Variants in CCNH observed in about 807,000 individuals in gnomAD.
CCNH encodes cyclin H, also known as cyclin-H.
Under a neutral mutation model 41.9 loss-of-function variants are expected in CCNH, and 31 were observed. That is an observed-to-expected ratio of 0.74 (90% confidence interval 0.56 to 1.00). CCNH has a LOEUF of 1.00. Ranked by LOEUF, CCNH falls within the 50% of genes least tolerant of loss-of-function variation. CCNH has a pLI of 0.00. For synonymous variants in CCNH, 138 were observed against 136.1 expected (o/e 1.01, Z -0.10); for missense variants, 362 against 388.4 (o/e 0.93, Z 0.57).
chr5:87,356,383 ATTT>A (rs11409141), intron 9 of CCNH, among the ~76,000 whole-genome samples: 1 of 141,708 alleles, frequency 7.1e-6, no homozygotes, highest in African/African-American at 2.6e-5. Context: ...GATGATTGTT[ATTT>A]TTTTTTTTTT....
At chr5:87,318,889 C>T (rs1384844754) in exon 10 of CCNH, 3 of 152,220 alleles carry the variant, frequency 2.0e-5, no homozygotes, top group East Asian at 1.9e-4. Context: ...GTCCATTCCA[C>T]CTATGAGCCT....
downstream of CCNH, chr5:87,391,112 T>C (rs1053820938): frequency 1.6e-6 from 1 of 616,842 alleles, no homozygotes; most frequent in African/African-American, 1.8e-5. Context: ...AATCAATCTT[T>C]AACAACCTCT....
downstream of CCNH, among the ~76,000 whole-genome samples, chr5:87,316,669 C>G (rs538878094): frequency 2.0e-5 from 3 of 152,306 alleles, no homozygotes; most frequent in Non-Finnish European, 2.9e-5. Context: ...TTTTAATACC[C>G]TGTGCCTCAG....
exon 10 of CCNH, chr5:87,318,790 C>T (rs1756544284): frequency 6.6e-6 from 1 of 152,236 alleles, no homozygotes; most frequent in Non-Finnish European, 1.5e-5. Context: ...CATGTCAAGA[C>T]ACAATCATGC....
chr5:87,380,366 A>C, upstream of CCNH: 1 of 751,888 alleles, frequency 1.3e-6, no homozygotes, highest in Non-Finnish European at 2.4e-6. Context: ...TAAATGCCTC[A>C]TTACCTGTGG....
chr5:87,399,194 G>A (rs1042717443), intron 7 of CCNH, among the ~76,000 whole-genome samples, 200 bp downstream of exon 7: 11 of 152,168 alleles, frequency 7.2e-5, no homozygotes, highest in African/African-American at 2.7e-4. Flanking sequence ...GAACATATGA[G>A]TCACAGCAGG....
chr5:87,402,399 G>C (rs1483594763), intron 5 of CCNH, among the ~76,000 whole-genome samples: 1 of 152,114 alleles, frequency 6.6e-6, no homozygotes, highest in African/African-American at 2.4e-5. Flanking sequence ...GCCACTGACA[G>C]TATGAAAATA....
chr5:87,332,702 T>C (rs1757686493), intron 9 of CCNH: 3 of 1,465,134 alleles, frequency 2.0e-6, no homozygotes, highest in African/African-American at 2.8e-5. Flanking sequence ...ATAATGGTTT[T>C]AGCTATTGCT....
intron 7 of CCNH, among the ~76,000 whole-genome samples, chr5:87,395,612 A>G (rs1253918059): frequency 1.3e-5 from 2 of 152,204 alleles, no homozygotes; most frequent in Non-Finnish European, 2.9e-5. Context: ...GGGGCTCACA[A>G]TTGTAATCCC....
rs3093814 is a variant in CCNH at position 87,401,619 on chromosome 5, T to C, written c.760+83A>G. On this transcript the variant is annotated intron_variant, in intron 6 of 8. Coordinates refer to ENST00000256897, the MANE Select transcript of CCNH (RefSeq NM_001239.4). Reference sequence around the variant, plus strand: ...AAATCTAAACAAAAATCTGTTATATTTCTAGTTAAACACCAAGAGATTTAT... The same window carrying C: ...AAATCTAAACAAAAATCTGTTATATCTCTAGTTAAACACCAAGAGATTTAT... 316 of 831,784 alleles carry C rather than the reference T, an allele frequency of 3.8e-4. No individual in the cohort carries two copies. In the African/African-American group the frequency reaches 5.2e-3, roughly 14 times the overall value. 51.5% of individuals were successfully genotyped at this position (831,784 alleles called of 1,614,324 possible). A position where few individuals can be genotyped will look rare whatever the true frequency, so the allele number is the denominator to read the frequency against.
At chr5:87,340,812 G>A (rs1758377115) in intron 9 of CCNH, among the ~76,000 whole-genome samples, 1 of 152,110 alleles carries the variant, frequency 6.6e-6, no homozygotes. Flanking sequence ...AAGCTACAGT[G>A]GTGGGAGATT....
rs76371191 is a variant in CCNH, at chr5:87,319,919, G to A, written c.*91-1022C>T. 2.9e-3 allele frequency among the ~76,000 whole-genome samples: 448 copies of A among 152,208 alleles called. 2 individuals are homozygous for A. The highest frequency in any genetic ancestry group is 9.9e-3 in the African/African-American group (410 of 41,524). On this transcript the variant is annotated intron_variant and NMD_transcript_variant, in intron 9 of 9. Coordinates refer to the CCNH transcript ENST00000645953. ...TAAACATAAGTTCCAATTTCACACC[G>A]TCTCTTCATACATATGAGCATATAC... is the stretch of plus-strand genomic sequence containing the variant.
chr5:87,397,708 A>G (rs984877867), intron 7 of CCNH, among the ~76,000 whole-genome samples: 26 of 152,316 alleles, frequency 1.7e-4, no homozygotes, highest in African/African-American at 6.0e-4. Flanking sequence ...AATGTAAGCT[A>G]TGGCAGTTAA....
At chr5:87,367,826 C>T (rs565176312) in intron 9 of CCNH, among the ~76,000 whole-genome samples, 6 of 152,200 alleles carry the variant, frequency 3.9e-5, no homozygotes, top group South Asian at 2.1e-4. Flanking sequence ...CCAACATTTT[C>T]GTTGTCATTC....
At chr5:87,352,039 A>C (rs554345329) in intron 9 of CCNH, among the ~76,000 whole-genome samples, 7 of 151,388 alleles carry the variant, frequency 4.6e-5, no homozygotes, top group Admixed American at 1.3e-4. Context: ...CCTGATTTTC[A>C]TTTTTCTTTT....
At chr5:87,326,823 A>G (rs907779057) in intron 9 of CCNH, among the ~76,000 whole-genome samples, 1 of 152,190 alleles carries the variant, frequency 6.6e-6, no homozygotes, top group Non-Finnish European at 1.5e-5. Flanking sequence ...TATAATGTTC[A>G]AAAAGAGTTT....
chr5:87,391,903 A>G (rs1282243304), downstream of CCNH: 1 of 227,462 alleles, frequency 4.4e-6, no homozygotes, highest in Non-Finnish European at 8.7e-6. Context: ...AATAAAACCA[A>G]GGGATATCTT....
downstream of CCNH, among the ~76,000 whole-genome samples, chr5:87,315,206 A>G (rs1756233072): frequency 6.6e-6 from 1 of 152,342 alleles, no homozygotes; most frequent in South Asian, 2.1e-4. Context: ...GAATATCTGA[A>G]ACTGGTAATT....
At chr5:87,394,225 A>G (rs1252855260), downstream of CCNH, 2 of 1,199,508 alleles carry the variant, frequency 1.7e-6, no homozygotes, top group East Asian at 3.4e-5. Context: ...CTTTAATTTG[A>G]TATTAGTCAC....
Sources: gnomAD v4.1 joint callset for allele counts (sites outside exome capture counted in the v4.1 genomes callset) on GRCh38, gnomAD v4.1.1 for gene constraint, MANE v1.5 for transcripts, NCBI Gene and HGNC (gene_info 2026-07-23, HGNC 2026-07-21) for gene names.